APOL3: variants seen among roughly 807,000 people sequenced by gnomAD.
APOL3 encodes the protein TNF-inducible protein CG12-1.
Under a neutral mutation model 11.6 loss-of-function variants are expected in APOL3, and 14 were observed. The ratio of observed to expected loss-of-function variants is 1.21; its 90% CI spans 0.80 to 1.89. The LOEUF is 1.89. Among genes scored for constraint, APOL3 ranks in the 40% most tolerant of loss-of-function variants. APOL3 has a pLI of 0.00. For synonymous variants in APOL3, 192 were observed against 190.6 expected, an observed-to-expected ratio of 1.01 and a Z score of -0.06; for missense variants, 483 against 492.1, an observed-to-expected ratio of 0.98 and a Z score of 0.17.
chr22:36,145,071 TCCCC>T (rs2060142941), intron 2 of APOL3, among the ~76,000 whole-genome samples: 1 of 150,426 alleles, frequency 6.6e-6, no homozygotes, highest in Non-Finnish European at 1.5e-5. Flanking sequence ...TCCTGGTCTC[TCCCC>T]AGCAATCTTT....
At chr22:36,147,505 T>TC (rs2060263929) in intron 1 of APOL3, among the ~76,000 whole-genome samples, 1 of 152,166 alleles carries the variant, frequency 6.6e-6, no homozygotes, top group Admixed American at 6.5e-5. Flanking sequence ...GGCTGGTAGG[T>TC]CCCGGCTTCT....
chr22:36,142,014 G>T (rs368969357), exon 3 of APOL3: 1 of 1,614,060 alleles, frequency 6.2e-7, no homozygotes, highest in Non-Finnish European at 8.5e-7. Flanking sequence ...AGCTGCATAT[G>T]TTCTAAGCTT....
intron 1 of APOL3, among the ~76,000 whole-genome samples, chr22:36,151,622 T>C (rs1344273620): frequency 1.3e-5 from 2 of 152,116 alleles, no homozygotes; most frequent in Admixed American, 6.5e-5. Context: ...CAGAGCTAGA[T>C]ATAGAATAAG....
At chr22:36,150,082 G>A (rs779257803) in intron 1 of APOL3, 18 of 352,318 alleles carry the variant, frequency 5.1e-5, no homozygotes, top group South Asian at 1.5e-4. Flanking sequence ...AAAGTCCTGC[G>A]ATTGCAGGCA....
chr22:36,155,330 C>A (rs921668941), intron 1 of APOL3, among the ~76,000 whole-genome samples: 1 of 152,184 alleles, frequency 6.6e-6, no homozygotes, highest in African/African-American at 2.4e-5. Context: ...ATGTTAACAA[C>A]GCAGTGGTTC....
chr22:36,153,401 C>A (rs1393375852), intron 1 of APOL3: 1 of 456,140 alleles, frequency 2.2e-6, no homozygotes, highest in Admixed American at 2.3e-5. Flanking sequence ...TTCAGAGAAA[C>A]CTCGGTGGCT....
chr22:36,165,167 G>A (rs2013826357), upstream of APOL3: 1 of 151,832 alleles, frequency 6.6e-6, no homozygotes, highest in Non-Finnish European at 1.5e-5. Context: ...ACTATAATTG[G>A]CGTTCTGGCT....
At chr22:36,153,458 T>C (rs941592372) in intron 1 of APOL3, 1 of 455,166 alleles carries the variant, frequency 2.2e-6, no homozygotes, top group African/African-American at 2.0e-5. Context: ...TCATTTTATG[T>C]TAAACTGTTA....
rs769162739 is a variant in APOL3, at chr22:36,160,802, A to AG, written c.89dup (p.Gly32TrpfsTer44). 1.2e-6 allele frequency: 2 copies of AG among 1,614,166 alleles called. No individual in the cohort carries two copies. Among genetic ancestry groups the AG allele is most frequent in the South Asian group, 2.2e-5 (2 of 91,078 alleles). ...TCTGAGATATACCCTGGAACCCAAA[A>AG]GGGAAAGTGAAAGTCACAACTTGGC... On this transcript the variant is annotated frameshift_variant, in exon 1 of 3. Coordinates refer to ENST00000349314, the Ensembl canonical transcript of APOL3. LOFTEE classifies it high-confidence loss of function.
exon 3 of APOL3, chr22:36,142,031 A>C (rs2060016611): frequency 6.2e-7 from 1 of 1,613,324 alleles, no homozygotes; most frequent in African/African-American, 1.3e-5. Context: ...GCTTCTTCAG[A>C]GCTTCGTAGA....
intron 1 of APOL3, among the ~76,000 whole-genome samples, chr22:36,158,892 C>G (rs752121868): frequency 6.6e-6 from 1 of 152,092 alleles, no homozygotes; most frequent in African/African-American, 2.4e-5. Flanking sequence ...ATCAAAGACC[C>G]TTCGAGGCCA....
rs991247102 is a variant in APOL3 at position 36,145,027 on chromosome 22, A to G, written c.350+446T>C. ...TCTGTCTCAAAAAAAAAAAAAAAAGAAAAAAAAAGAAAAAAAAAGAAAAAC... is the reference window on the plus strand; with the variant it reads ...TCTGTCTCAAAAAAAAAAAAAAAAGGAAAAAAAAGAAAAAAAAAGAAAAAC... On this transcript the variant is annotated intron_variant, in intron 2 of 2. Coordinates refer to ENST00000349314, the Ensembl canonical transcript of APOL3. 3.7e-3 allele frequency among the ~76,000 whole-genome samples: 435 copies of G among 116,060 alleles called. 8 individuals carry two copies. Among genetic ancestry groups the G allele is most frequent in the Non-Finnish European group, 5.5e-3 (347 of 62,908 alleles). The allele number at this position is 116,060 out of a possible 152,430, so 76.1% of individuals were successfully genotyped here.
At chr22:36,163,401 T>G (rs2146914859), upstream of APOL3, among the ~76,000 whole-genome samples, 1 of 152,350 alleles carries the variant, frequency 6.6e-6, no homozygotes, top group East Asian at 1.9e-4. Flanking sequence ...CCCACCCTTT[T>G]GGGCACTCAC....
chr22:36,158,188 C>T (rs118115240), intron 1 of APOL3, among the ~76,000 whole-genome samples: 164 of 152,294 alleles, frequency 1.1e-3, no homozygotes, highest in Non-Finnish European at 1.6e-3. Flanking sequence ...CAGAGACATA[C>T]GTTTTTGAAA....
chr22:36,156,935 A>G (rs926249630), intron 1 of APOL3: 1 of 456,110 alleles, frequency 2.2e-6, no homozygotes, highest in African/African-American at 2.0e-5. Context: ...CCTCTGGACA[A>G]CATGGCCCAG....
intron 1 of APOL3, chr22:36,159,128 T>G (rs1469668373): frequency 2.0e-5 from 3 of 152,210 alleles, no homozygotes; most frequent in African/African-American, 7.2e-5. Flanking sequence ...CCCTCTCACC[T>G]GCTGGGCATC....
At chr22:36,161,193 G>T (rs1012704767), upstream of APOL3, among the ~76,000 whole-genome samples, 1 of 152,062 alleles carries the variant, frequency 6.6e-6, no homozygotes, top group Admixed American at 6.6e-5. Flanking sequence ...GGGTTATTTT[G>T]TTGTTTTGTT....
intron 2 of APOL3, among the ~76,000 whole-genome samples, chr22:36,144,774 CCGAGGCGGGAGGATCA>C (rs1418161424): frequency 6.6e-6 from 1 of 152,074 alleles, no homozygotes; most frequent in African/African-American, 2.4e-5. Context: ...CCTTGGGAGG[CCGAGGCGGGAGGATCA>C]CGAGGTCAGG....
upstream of APOL3, chr22:36,165,455 G>A (rs1031316326): frequency 6.6e-6 from 1 of 152,096 alleles, no homozygotes; most frequent in Non-Finnish European, 1.5e-5. Context: ...TACAGACAGG[G>A]CCAACAAGTT....
Sources: allele counts gnomAD v4.1 joint callset (sites outside exome capture counted in the v4.1 genomes callset), GRCh38; gene constraint gnomAD v4.1.1; transcripts MANE v1.5; gene names NCBI Gene and HGNC (gene_info 2026-07-23, HGNC 2026-07-21).